NCAM2: variants seen among roughly 807,000 people sequenced by gnomAD.
NCAM2 encodes the protein N-CAM-2.
In NCAM2, 30 loss-of-function variants were observed where a neutral mutation model predicts 98.1. That is an observed-to-expected ratio of 0.31 (90% CI 0.23 to 0.41). The LOEUF (loss-of-function observed/expected upper bound fraction) is 0.41. Ranked by LOEUF, NCAM2 falls within the 10% of genes least tolerant of loss-of-function variation. NCAM2 has a pLI of 1.00. For synonymous variants in NCAM2, 368 were observed against 342.4 expected (o/e 1.07, Z -0.83); for missense variants, 867 against 1,005.8 (o/e 0.86, Z 1.87).
At chr21:21,291,356 C>A (rs1330391150) in intron 4 of NCAM2, among the ~76,000 whole-genome samples, 1 of 151,814 alleles carries the variant, frequency 6.6e-6, no homozygotes, top group Non-Finnish European at 1.5e-5. Flanking sequence ...AAAATCAGGG[C>A]AGACACAAAA....
At chr21:21,089,096 G>T (rs978310909) in intron 1 of NCAM2, among the ~76,000 whole-genome samples, 3 of 151,494 alleles carry the variant, frequency 2.0e-5, no homozygotes, top group Non-Finnish European at 2.9e-5. Flanking sequence ...TTTTTTGTTT[G>T]TTCTGTTTTT....
At chr21:21,363,236 A>G (rs1274956202) in intron 8 of NCAM2, among the ~76,000 whole-genome samples, 1 of 152,136 alleles carries the variant, frequency 6.6e-6, no homozygotes, top group Non-Finnish European at 1.5e-5. Flanking sequence ...GCATGCTTTT[A>G]TTGTGTGTAT....
chr21:21,423,937 A>G (rs2077163315), intron 11 of NCAM2, among the ~76,000 whole-genome samples: 1 of 152,176 alleles, frequency 6.6e-6, no homozygotes, highest in African/African-American at 2.4e-5. Context: ...ATTCTAAGAT[A>G]TGGAATTATG....
intron 1 of NCAM2, among the ~76,000 whole-genome samples, chr21:21,034,029 G>A (rs762401975): frequency 2.1e-4 from 31 of 148,790 alleles, no homozygotes; most frequent in South Asian, 4.4e-4. Context: ...TAGGCTAGAG[G>A]TTGTGAGATA....
intron 5 of NCAM2, among the ~76,000 whole-genome samples, chr21:21,313,373 A>T (rs1276775934): frequency 1.3e-5 from 2 of 151,872 alleles, no homozygotes; most frequent in Non-Finnish European, 2.9e-5. Flanking sequence ...ATTTTGAAGC[A>T]CTTTTTCAAG....
chr21:21,517,837 A>T lies in NCAM2; in HGVS notation c.2282+8782A>T, dbSNP rs553707319. ...AGCCTGGGCTACAGAGCAAGGCTCCATCTCAAGAAAAATAAAAATAAAGTA... is the reference window on the plus strand; with the variant it reads ...AGCCTGGGCTACAGAGCAAGGCTCCTTCTCAAGAAAAATAAAAATAAAGTA... On this transcript the variant is annotated intron_variant, in intron 16 of 17. Transcript: ENST00000400546. Among the ~76,000 whole-genome samples the T allele has an allele frequency of 9.3e-4, 141 of 152,300 alleles. 1 individual carries two copies. Among genetic ancestry groups the T allele is most frequent in the African/African-American group, 2.2e-3 (92 of 41,552 alleles).
chr21:21,539,266 G>GT lies in NCAM2; in HGVS notation c.*1312dup, dbSNP rs1295276689. On this transcript the variant is annotated 3_prime_UTR_variant, in exon 18 of 18. Transcript: ENST00000400546. ...ACACATGATTTAACTTATATGTAAG[G>GT]TTTAAAAAAGTATTTATCATTATAA... 1 of 152,084 alleles carries GT rather than the reference G, an allele frequency of 6.6e-6. No homozygotes were observed. The highest frequency in any genetic ancestry group is 1.5e-5 in the Non-Finnish European group (1 of 68,020). The allele number at this position is 152,084 out of a possible 1,614,324, so 9.4% of individuals were successfully genotyped here.
At chr21:21,172,009 T>A (rs953210755) in intron 1 of NCAM2, among the ~76,000 whole-genome samples, 2 of 152,162 alleles carry the variant, frequency 1.3e-5, no homozygotes, top group Non-Finnish European at 2.9e-5. Context: ...ATGTCTTTTA[T>A]CCTCAAATAA....
intron 1 of NCAM2, among the ~76,000 whole-genome samples, chr21:21,206,847 C>G (rs948401500): frequency 6.6e-6 from 1 of 152,056 alleles, no homozygotes; most frequent in Non-Finnish European, 1.5e-5. Flanking sequence ...TAAAGTGCTT[C>G]TTGGTCTGGT....
In NCAM2 at chr21:21,338,667, A is replaced by G. The variant is rs1371957174; in HGVS notation, c.1044+133A>G. ...CAAATAAATGGTTTGATTTTTAAAA[A>G]GGTAACTAACACAATGTCGGCTTTA... is the stretch of plus-strand genomic sequence containing the variant. On this transcript the variant is annotated intron_variant, in intron 8 of 17. Coordinates refer to ENST00000400546, the MANE Select transcript of NCAM2 (RefSeq NM_004540.5). 5 of 939,916 alleles carry G rather than the reference A, an allele frequency of 5.3e-6. 1 individual carries two copies. The South Asian group carries it at 7.9e-5, about 15-fold the overall frequency. 58.2% of individuals were successfully genotyped at this position (939,916 alleles called of 1,614,324 possible).
At chr21:21,228,373 G>A (rs1209585724) in intron 1 of NCAM2, among the ~76,000 whole-genome samples, 1 of 151,456 alleles carries the variant, frequency 6.6e-6, no homozygotes, top group Admixed American at 6.6e-5. Flanking sequence ...TATCTAGTCT[G>A]CAGAAACTCT....
chr21:21,053,871 T>G (rs2065161597), intron 1 of NCAM2, among the ~76,000 whole-genome samples: 1 of 151,768 alleles, frequency 6.6e-6, no homozygotes, highest in African/African-American at 2.4e-5. Flanking sequence ...GTATTTTTAA[T>G]AATAAAACTT....
At chr21:21,360,955 A>T (rs1253340545) in intron 8 of NCAM2, among the ~76,000 whole-genome samples, 1 of 152,016 alleles carries the variant, frequency 6.6e-6, no homozygotes, top group Non-Finnish European at 1.5e-5. Context: ...AAATTTACAA[A>T]ACTCCTCTAT....
chr21:21,255,280 C>G (rs1317963420), intron 1 of NCAM2, among the ~76,000 whole-genome samples: 1 of 152,166 alleles, frequency 6.6e-6, no homozygotes, highest in Non-Finnish European at 1.5e-5. Flanking sequence ...TCCCTGTGAG[C>G]TGTGCTCTAT....
intron 15 of NCAM2, among the ~76,000 whole-genome samples, chr21:21,485,765 G>T (rs1986296282): frequency 6.6e-6 from 1 of 152,130 alleles, no homozygotes; most frequent in Admixed American, 6.5e-5. Context: ...TAAATCAAAT[G>T]ATTGGGTTCT....
At chr21:21,028,983 TTA>T (rs1295891856) in intron 1 of NCAM2, among the ~76,000 whole-genome samples, 1 of 152,164 alleles carries the variant, frequency 6.6e-6, no homozygotes, top group African/African-American at 2.4e-5. Context: ...TGGAAAACTG[TTA>T]TAATTTTTGA....
intron 9 of NCAM2, among the ~76,000 whole-genome samples, chr21:21,377,375 T>C (rs2076056207): frequency 6.6e-6 from 1 of 152,012 alleles, no homozygotes; most frequent in Admixed American, 6.6e-5. Context: ...CTACTTTTGA[T>C]CACTACAATT....
chr21:21,172,098 A>AT lies in NCAM2; in HGVS notation c.56-108471dup, dbSNP rs571362535. Among the ~76,000 whole-genome samples the AT allele has an allele frequency of 1.1e-3, 159 of 150,516 alleles. 1 individual carries two copies. Among genetic ancestry groups the AT allele is most frequent in the Non-Finnish European group, 1.5e-3 (103 of 67,548 alleles). On this transcript the variant is annotated intron_variant, in intron 1 of 17. Transcript: ENST00000400546. ...TTTTTCCTCATCAAATATAGATCGT[A>AT]TTTTTTTTTCCTTTTTTTTCTGTGT...
intron 1 of NCAM2, among the ~76,000 whole-genome samples, chr21:21,101,569 A>G (rs192145934): frequency 2.6e-5 from 4 of 152,136 alleles, no homozygotes; most frequent in Admixed American, 2.6e-4. Flanking sequence ...TTTATTTCAA[A>G]TCTGTCATTC....
Sources: gnomAD v4.1 joint callset for allele counts (sites outside exome capture counted in the v4.1 genomes callset) on GRCh38, gnomAD v4.1.1 for gene constraint, MANE v1.5 for transcripts, NCBI Gene and HGNC (gene_info 2026-07-23, HGNC 2026-07-21) for gene names.